ADCY9: variants seen among roughly 807,000 people sequenced by gnomAD.
ADCY9 encodes the protein adenylate cyclase type 9.
A neutral mutation model predicts 101.5 loss-of-function variants in ADCY9; 50 were observed. The observed-to-expected ratio is 0.49, with a 90% CI of 0.39 to 0.62. ADCY9 has a LOEUF of 0.62. Ranked by LOEUF, ADCY9 falls within the 20% of genes least tolerant of loss-of-function variation. The probability of loss-of-function intolerance (pLI) is 0.00; values close to 1 mark genes in which losing one functional copy is unlikely to be tolerated. For synonymous variants in ADCY9, 905 were observed against 769.3 expected, an observed-to-expected ratio of 1.18 and a Z score of -2.92; for missense variants, 1,662 against 1,800.4, an observed-to-expected ratio of 0.92 and a Z score of 1.39.
At chr16:4,095,897 A>G (rs1416665415) in intron 2 of ADCY9, among the ~76,000 whole-genome samples, 1 of 149,876 alleles carries the variant, frequency 6.7e-6, no homozygotes, top group African/African-American at 2.5e-5. Flanking sequence ...GACTCACTTG[A>G]ACCCAGGAGG....
At chr16:4,015,580 C>T (rs1182288773) in intron 2 of ADCY9, 1 of 152,102 alleles carries the variant, frequency 6.6e-6, no homozygotes, top group Admixed American at 6.6e-5. Context: ...AGGATCTGGG[C>T]TAAGGGTTGA....
Position 3,989,010 on chromosome 16 carries a change from G to C in ADCY9, c.2294C>G (p.Thr765Ser). Residue 765 changes from threonine (T) to serine (S), a missense_variant, in exon 6 of 11, where the codon ACC (threonine) becomes AGC (serine). Physicochemically the swap from Thr to Ser is moderately conservative, Grantham distance 58. Coordinates refer to ENST00000294016, the MANE Select transcript of ADCY9 (RefSeq NM_001116.4). ...LDQELERSYR[T>S]SYQEEVIKNS... is the part of the protein sequence containing the mutation. ...TGAACGCACCTCTTCCTGATAGCTG[G>C]TCCTGTAGGATCGCTCCAGCTCCTG... 1 of 1,613,566 alleles carries C rather than the reference G, an allele frequency of 6.2e-7. No individual in the cohort carries two copies. The highest frequency in any genetic ancestry group is 8.5e-7 in the Non-Finnish European group (1 of 1,179,518).
chr16:3,975,010 G>C (rs554638168), intron 9 of ADCY9, among the ~76,000 whole-genome samples: 23 of 152,224 alleles, frequency 1.5e-4, no homozygotes, highest in African/African-American at 4.8e-4. Context: ...AGGAGTTCTG[G>C]GCCGAGTGGA....
rs554643848 is a variant in ADCY9 at position 4,088,763 on chromosome 16, T to C, written c.1693+24987A>G. On this transcript the variant is annotated intron_variant, in intron 2 of 10. Coordinates refer to ENST00000294016, the MANE Select transcript of ADCY9 (RefSeq NM_001116.4). ...AATCTACAACTGTCTTGTACTACAA[T>C]ATACTCTAATTGTTAATGTTGGTCT... Among the ~76,000 whole-genome samples, 104 of 152,166 alleles carry C rather than the reference T, an allele frequency of 6.8e-4. 1 individual carries two copies. The highest frequency in any genetic ancestry group is 2.4e-3 in the African/African-American group (101 of 41,560).
chr16:4,028,111 T>C (rs2056530325), intron 2 of ADCY9, among the ~76,000 whole-genome samples: 1 of 152,146 alleles, frequency 6.6e-6, no homozygotes, highest in Admixed American at 6.6e-5. Context: ...ATTAAACTGT[T>C]CTGTATCCTG....
At chr16:4,102,203 A>G (rs2057047703) in intron 2 of ADCY9, among the ~76,000 whole-genome samples, 1 of 152,136 alleles carries the variant, frequency 6.6e-6, no homozygotes, top group Admixed American at 6.6e-5. Flanking sequence ...CTTTTCTTGC[A>G]TTATCCCAGT....
At chr16:3,973,937 T>C (rs2056072942) in intron 10 of ADCY9, among the ~76,000 whole-genome samples, 2 of 152,402 alleles carry the variant, frequency 1.3e-5, no homozygotes, top group South Asian at 2.1e-4. Context: ...TTCTAGATTT[T>C]ATATAGTTTA....
intron 2 of ADCY9, among the ~76,000 whole-genome samples, chr16:4,103,572 G>C (rs375220540): frequency 1.2e-4 from 19 of 152,362 alleles, no homozygotes; most frequent in African/African-American, 4.1e-4. Context: ...GCTCACGCCT[G>C]TAATCCCAGC....
downstream of ADCY9, among the ~76,000 whole-genome samples, chr16:3,958,598 T>C (rs1280190694): frequency 2.0e-5 from 3 of 149,582 alleles, no homozygotes; most frequent in Non-Finnish European, 4.4e-5. Context: ...GGGCAGCAGC[T>C]GCCATGAGCT....
chr16:4,068,895 T>G (rs1033974775), intron 2 of ADCY9, among the ~76,000 whole-genome samples: 1 of 151,884 alleles, frequency 6.6e-6, no homozygotes, highest in African/African-American at 2.4e-5. Flanking sequence ...TTACAAATGG[T>G]TACAACTATT....
At chr16:3,960,551 C>T (rs559028867), downstream of ADCY9, among the ~76,000 whole-genome samples, 1 of 152,044 alleles carries the variant, frequency 6.6e-6, no homozygotes. Flanking sequence ...ACAACAACAA[C>T]AAAAAATCAA....
At chr16:3,998,518 G>A (rs554045257) in intron 3 of ADCY9, among the ~76,000 whole-genome samples, 1 of 151,908 alleles carries the variant, frequency 6.6e-6, no homozygotes, top group South Asian at 2.1e-4. Context: ...AGACCATCCT[G>A]GCCAAGATGG....
chr16:4,070,466 A>G (rs987113742), intron 2 of ADCY9, among the ~76,000 whole-genome samples: 5 of 152,200 alleles, frequency 3.3e-5, no homozygotes, highest in Non-Finnish European at 7.3e-5. Flanking sequence ...AAAACTTTTG[A>G]AAAATAACCA....
intron 2 of ADCY9, among the ~76,000 whole-genome samples, chr16:4,079,103 T>C (rs755694978): frequency 6.6e-6 from 1 of 152,246 alleles, no homozygotes; most frequent in African/African-American, 2.4e-5. Flanking sequence ...CATTAAATTA[T>C]ACAATGCATC....
At chr16:4,032,230 G>C (rs1211393504) in intron 2 of ADCY9, 1 of 151,782 alleles carries the variant, frequency 6.6e-6, no homozygotes, top group Non-Finnish European at 1.5e-5. Context: ...TGGAGGTTGT[G>C]GTGAGCAGAG....
At chr16:4,085,758 G>A (rs2056933871) in intron 2 of ADCY9, among the ~76,000 whole-genome samples, 1 of 151,934 alleles carries the variant, frequency 6.6e-6, no homozygotes, top group Admixed American at 6.6e-5. Flanking sequence ...GCCCCACCCT[G>A]GACCCGCTGA....
chr16:4,114,093 G>A lies in ADCY9; in HGVS notation c.1350C>T (p.Gly450=), dbSNP rs1293297230. ...CATGGTCGGCCCGGGGCTCGGGACA[G>A]CCCGCCACGCAGTAGTAACAGTCTC... ...TLGDCYYCVA[G]CPEPRADHAY... The change falls in exon 2 of 11, where the codon GGC becomes GGT. Residue 450 remains glycine, a synonymous_variant. Coordinates refer to ENST00000294016, the MANE Select transcript of ADCY9 (RefSeq NM_001116.4). This position sits in a 1 kb window ranked among gnomAD's most constrained non-coding sequence, Gnocchi z 4.3. 1.2e-6 allele frequency: 2 copies of A among 1,613,726 alleles called. No homozygotes were observed. Among genetic ancestry groups the A allele is most frequent in the African/African-American group, 2.7e-5 (2 of 74,924 alleles).
intron 2 of ADCY9, among the ~76,000 whole-genome samples, chr16:4,020,193 A>T (rs1322659834): frequency 1.3e-5 from 2 of 152,226 alleles, no homozygotes; most frequent in African/African-American, 4.8e-5. Context: ...GACCACTCGA[A>T]ATGTAGCTAG....
chr16:4,000,114 T>C (rs1310577561), intron 3 of ADCY9, among the ~76,000 whole-genome samples: 2 of 152,204 alleles, frequency 1.3e-5, no homozygotes, highest in East Asian at 1.9e-4. Context: ...CTCAAAATGA[T>C]GTTAACATGG....
Sources: allele counts gnomAD v4.1 joint callset (sites outside exome capture counted in the v4.1 genomes callset), GRCh38; gene constraint gnomAD v4.1.1; non-coding constraint Gnocchi (gnomAD v3.1); transcripts MANE v1.5; gene names NCBI Gene and HGNC (gene_info 2026-07-23, HGNC 2026-07-21).